Variants in CNTN6 observed in about 807,000 individuals in gnomAD.
CNTN6 encodes the protein contactin-6.
CNTN6 carries 137 observed loss-of-function variants against 122.8 expected under a neutral mutation model. That is an observed-to-expected ratio of 1.12 (90% CI 0.97 to 1.29). The LOEUF (loss-of-function observed/expected upper bound fraction) is 1.29, where lower values mean the gene tolerates loss of function less well. Ranked by LOEUF, CNTN6 falls within the 50% of genes most tolerant of loss-of-function variation. CNTN6 has a pLI of 0.00. For missense variants in CNTN6, 1,634 were observed against 1,223.4 expected (o/e 1.34, Z -5.01); for synonymous variants, 570 against 426.0 (o/e 1.34, Z -4.16).
At chr3:1,385,537 G>A in intron 19 of CNTN6, 74 bp from the exon 20 acceptor site, 1 of 1,208,710 alleles carries the variant, frequency 8.3e-7, no homozygotes, top group Non-Finnish European at 1.2e-6. Flanking sequence ...GGTTGTGGTT[G>A]ATAGTTGTTG....
chr3:1,278,157 G>C (rs954390367), intron 4 of CNTN6, among the ~76,000 whole-genome samples: 2 of 152,158 alleles, frequency 1.3e-5, no homozygotes, highest in African/African-American at 4.8e-5. Flanking sequence ...AGGCTACACT[G>C]TCTGGAAGAA....
intron 2 of CNTN6, among the ~76,000 whole-genome samples, chr3:1,216,089 G>T (rs2094126576): frequency 6.6e-6 from 1 of 152,030 alleles, no homozygotes; most frequent in South Asian, 2.1e-4. Context: ...TGAGTGCATG[G>T]GCATGACATT....
chr3:1,105,130 AC>A (rs2091155964), intron 1 of CNTN6, among the ~76,000 whole-genome samples: 1 of 152,134 alleles, frequency 6.6e-6, no homozygotes. Context: ...CTCCCTCTGT[AC>A]TTGCAGGCAG....
At chr3:1,107,744 T>G (rs1037236703) in intron 1 of CNTN6, among the ~76,000 whole-genome samples, 5 of 152,046 alleles carry the variant, frequency 3.3e-5, no homozygotes, top group African/African-American at 9.7e-5. Context: ...TTAGCATGAT[T>G]TCAGAGTTGT....
At chr3:1,397,115 G>A (rs1042730668) in intron 20 of CNTN6, among the ~76,000 whole-genome samples, 1 of 152,138 alleles carries the variant, frequency 6.6e-6, no homozygotes, top group African/African-American at 2.4e-5. Context: ...TGCCTCCCAT[G>A]AGCCATGCCT....
chr3:1,099,252 C>A (rs1389262202), intron 1 of CNTN6, among the ~76,000 whole-genome samples: 1 of 151,948 alleles, frequency 6.6e-6, no homozygotes. Flanking sequence ...GAGATCGAGA[C>A]CATCCTGGCT....
intron 11 of CNTN6, among the ~76,000 whole-genome samples, chr3:1,338,434 T>G (rs1264727576): frequency 6.6e-6 from 1 of 152,170 alleles, no homozygotes; most frequent in Non-Finnish European, 1.5e-5. Flanking sequence ...CAAGAGAGGC[T>G]GAAGTTGTTG....
chr3:1,122,343 AGAGGGAAG>A (rs944014349), intron 1 of CNTN6, among the ~76,000 whole-genome samples: 6 of 123,242 alleles, frequency 4.9e-5, no homozygotes, highest in South Asian at 5.1e-4. Flanking sequence ...AGGGCGAGAG[AGAGGGAAG>A]GAGGGAAGGA....
intron 1 of CNTN6, among the ~76,000 whole-genome samples, chr3:1,147,256 AT>A (rs1009152201): frequency 1.4e-3 from 214 of 152,180 alleles, no homozygotes; most frequent in African/African-American, 4.8e-3. Flanking sequence ...AAGCTGCAAA[AT>A]TATACCATAA....
intron 1 of CNTN6, among the ~76,000 whole-genome samples, chr3:1,126,229 C>T (rs768174304): frequency 3.3e-5 from 5 of 151,624 alleles, no homozygotes; most frequent in Non-Finnish European, 4.4e-5. Flanking sequence ...AAAGGTATAC[C>T]GAAAGTTGAA....
intron 2 of CNTN6, among the ~76,000 whole-genome samples, chr3:1,175,995 G>T (rs191528535): frequency 6.6e-6 from 1 of 152,260 alleles, no homozygotes; most frequent in Admixed American, 6.5e-5. Context: ...CTAAATCTGG[G>T]GTGAGATTGT....
chr3:1,229,962 ATGG>A (rs1420343243), intron 4 of CNTN6, among the ~76,000 whole-genome samples: 5 of 152,178 alleles, frequency 3.3e-5, no homozygotes, highest in Non-Finnish European at 7.4e-5. Context: ...GGACCACAAC[ATGG>A]TGGTGGTGTC....
At chr3:1,209,579 A>G (rs114869491) in intron 2 of CNTN6, among the ~76,000 whole-genome samples, 2,108 of 152,328 alleles carry the variant, frequency 0.014, 52 homozygotes, top group African/African-American at 0.048. Context: ...AATAATTCCA[A>G]ATACATTTGT....
At chr3:1,228,483 C>G (rs2094314227) in intron 4 of CNTN6, among the ~76,000 whole-genome samples, 1 of 152,104 alleles carries the variant, frequency 6.6e-6, no homozygotes. Context: ...GTAACAATGT[C>G]CAGCTGCATC....
chr3:1,204,157 A>G (rs1349654108), intron 2 of CNTN6, among the ~76,000 whole-genome samples: 1 of 152,186 alleles, frequency 6.6e-6, no homozygotes, highest in East Asian at 1.9e-4. Flanking sequence ...TGTTATTAGT[A>G]TATATAGAGA....
At chr3:1,336,621 T>C (rs549804259) in intron 11 of CNTN6, among the ~76,000 whole-genome samples, 40 of 152,292 alleles carry the variant, frequency 2.6e-4, no homozygotes, top group African/African-American at 8.9e-4. Context: ...CTGTGTGATT[T>C]ATCCTACAAT....
chr3:1,390,246 A>G (rs1163406085), intron 20 of CNTN6, among the ~76,000 whole-genome samples: 1 of 152,138 alleles, frequency 6.6e-6, no homozygotes, highest in African/African-American at 2.4e-5. Context: ...AGAACTCAAG[A>G]TTAAGAATCT....
intron 1 of CNTN6, among the ~76,000 whole-genome samples, chr3:1,140,780 A>G (rs2092590609): frequency 6.6e-6 from 1 of 152,216 alleles, no homozygotes; most frequent in Non-Finnish European, 1.5e-5. Context: ...GCTGTTAACA[A>G]CTTAACATGT....
intron 4 of CNTN6, among the ~76,000 whole-genome samples, chr3:1,244,851 A>G (rs559163861): frequency 1.3e-5 from 2 of 150,614 alleles, no homozygotes; most frequent in South Asian, 2.1e-4. Flanking sequence ...AAGGGTGGGG[A>G]GAATTACAAA....
Sources: gnomAD v4.1 joint callset for allele counts (sites outside exome capture counted in the v4.1 genomes callset) on GRCh38, gnomAD v4.1.1 for gene constraint, MANE v1.5 for transcripts, NCBI Gene and HGNC (gene_info 2026-07-23, HGNC 2026-07-21) for gene names.